Variants in KANK1 observed in about 807,000 individuals in gnomAD.
KANK1 encodes KN motif and ankyrin repeat domains 1, also known as KN motif and ankyrin repeat domain-containing protein 1.
A neutral mutation model predicts 106.2 loss-of-function variants in KANK1; 109 were observed. That is an observed-to-expected ratio of 1.03 (90% CI 0.88 to 1.20). The LOEUF (loss-of-function observed/expected upper bound fraction) is 1.20. KANK1 is among the 50% of genes most tolerant of loss of function. The probability of loss-of-function intolerance (pLI) is 0.00; values close to 1 mark genes in which losing one functional copy is unlikely to be tolerated. For missense variants in KANK1, 2,399 were observed against 1,710.7 expected, an observed-to-expected ratio of 1.40 and a Z score of -7.10; for synonymous variants, 873 against 652.2, an observed-to-expected ratio of 1.34 and a Z score of -5.16.
intron 1 of KANK1, among the ~76,000 whole-genome samples, chr9:604,553 C>G (rs961615650): frequency 4.0e-5 from 6 of 151,758 alleles, no homozygotes; most frequent in African/African-American, 1.5e-4. Flanking sequence ...GTTTCCTGGC[C>G]GGGTGCAGTG....
At chr9:706,876 G>C (rs1436184971) in intron 2 of KANK1, 1 of 985,356 alleles carries the variant, frequency 1.0e-6, no homozygotes, top group Non-Finnish European at 1.2e-6. Flanking sequence ...TCATGAAGCA[G>C]TGACTAGTAT....
chr9:568,173 A>T (rs2134688447), intron 1 of KANK1, among the ~76,000 whole-genome samples: 1 of 152,328 alleles, frequency 6.6e-6, no homozygotes, highest in South Asian at 2.1e-4. Flanking sequence ...CCACTACCTT[A>T]TCTATAATGC....
chr9:710,340 G>T (rs986212572), intron 2 of KANK1, among the ~76,000 whole-genome samples: 15 of 152,034 alleles, frequency 9.9e-5, no homozygotes, highest in African/African-American at 3.6e-4. Flanking sequence ...TACCCAAGCC[G>T]GGCGCAGTGG....
At chr9:640,699 A>AT (rs770881603) in intron 1 of KANK1, among the ~76,000 whole-genome samples, 12,535 of 129,710 alleles carry the variant, frequency 0.097, 806 homozygotes, top group African/African-American at 0.19. Context: ...GCCCGGCCTA[A>AT]TTTTTTTTTT....
chr9:580,759 G>A lies in KANK1; in HGVS notation c.-84+76005G>A, dbSNP rs553047461. 2.0e-4 allele frequency among the ~76,000 whole-genome samples: 30 copies of A among 152,376 alleles called. No homozygotes were observed. The South Asian group carries it at 2.7e-3, about 14-fold the overall frequency. ...AGGCGGAGCTGCCTGCCAGTCCCGC[G>A]CTGTGCGCCCGCACTCCTGAGCCCT... On this transcript the variant is annotated intron_variant, in intron 1 of 11. Coordinates refer to ENST00000382297, the MANE Select transcript of KANK1 (RefSeq NM_015158.5).
chr9:710,536 T>A (rs1022668307), intron 2 of KANK1, among the ~76,000 whole-genome samples: 2 of 149,078 alleles, frequency 1.3e-5, no homozygotes, highest in African/African-American at 5.0e-5. Context: ...GAGAATTGCT[T>A]GATCCCAGGA....
chr9:624,798 C>CA (rs1439725233), intron 1 of KANK1, among the ~76,000 whole-genome samples: 1 of 151,680 alleles, frequency 6.6e-6, no homozygotes, highest in African/African-American at 2.4e-5. Flanking sequence ...GACTCTGTCT[C>CA]AAAAAACAAA....
In KANK1 at chr9:624,867, C is replaced by G. The variant is rs375944664; in HGVS notation, c.-83-52023C>G. Among the ~76,000 whole-genome samples, 131 of 152,260 alleles carry G rather than the reference C, an allele frequency of 8.6e-4. 1 individual carries two copies. The highest frequency in any genetic ancestry group is 3.1e-3 in the African/African-American group (127 of 41,532). ...AAAAATAGCTGCCTTACCAAGCCAC[C>G]AGTGAGAGCCCATCTCTGAGGAAAA... On this transcript the variant is annotated intron_variant, in intron 1 of 11. Coordinates refer to ENST00000382297, the MANE Select transcript of KANK1 (RefSeq NM_015158.5).
intron 1 of KANK1, among the ~76,000 whole-genome samples, chr9:509,498 TC>T (rs1191308917): frequency 6.6e-6 from 1 of 152,236 alleles, no homozygotes; most frequent in East Asian, 1.9e-4. Flanking sequence ...ATTCTAATAT[TC>T]AATTTTGTAT....
At chr9:682,448 T>C in intron 2 of KANK1, among the ~76,000 whole-genome samples, 1 of 152,210 alleles carries the variant, frequency 6.6e-6, no homozygotes, top group East Asian at 1.9e-4. Flanking sequence ...CTTTTATAAT[T>C]TGGATATCAG....
intron 1 of KANK1, among the ~76,000 whole-genome samples, chr9:621,276 A>G (rs1833084351): frequency 6.6e-6 from 1 of 152,206 alleles, no homozygotes; most frequent in South Asian, 2.1e-4. Flanking sequence ...AGCTATTTAT[A>G]TTAGCTCTGC....
chr9:744,640 G>C (rs376671924), intron 11 of KANK1, 51 bp downstream of exon 11: 29 of 1,613,742 alleles, frequency 1.8e-5, no homozygotes, highest in Non-Finnish European at 2.3e-5. Context: ...CCACCAGACT[G>C]GTGGACCCCC....
chr9:594,710 A>G (rs1825800455), intron 1 of KANK1, among the ~76,000 whole-genome samples: 1 of 151,872 alleles, frequency 6.6e-6, no homozygotes, highest in African/African-American at 2.4e-5. Context: ...TGAAGGTTCA[A>G]AAATATTGAA....
intron 1 of KANK1, among the ~76,000 whole-genome samples, chr9:643,524 T>G (rs1838946989): frequency 1.3e-5 from 2 of 148,802 alleles, no homozygotes; most frequent in Admixed American, 6.6e-5. Flanking sequence ...TAAACCAGAA[T>G]TTGCTTTTTT....
chr9:735,668 G>T, intron 7 of KANK1: 1 of 350,584 alleles, frequency 2.9e-6, no homozygotes. Flanking sequence ...TTTAAATTCT[G>T]CCATATATTT....
At chr9:535,247 T>C (rs1368229986) in intron 1 of KANK1, among the ~76,000 whole-genome samples, 5 of 152,172 alleles carry the variant, frequency 3.3e-5, no homozygotes, top group African/African-American at 9.7e-5. Context: ...CCCCATTAGG[T>C]CCCCAAACCT....
intron 2 of KANK1, among the ~76,000 whole-genome samples, chr9:688,643 T>C (rs1167754189): frequency 6.6e-6 from 1 of 151,846 alleles, no homozygotes; most frequent in Non-Finnish European, 1.5e-5. Flanking sequence ...TATTGTCTGT[T>C]AAGTGCCTTG....
At chr9:480,400 T>C (rs1164193002) in intron 3 of KANK1, among the ~76,000 whole-genome samples, 1 of 152,198 alleles carries the variant, frequency 6.6e-6, no homozygotes, top group Non-Finnish European at 1.5e-5. Flanking sequence ...GGGGAATGTT[T>C]ACCAAGAAGG....
chr9:679,799 C>G (rs1588857867), intron 2 of KANK1, among the ~76,000 whole-genome samples: 1 of 152,096 alleles, frequency 6.6e-6, no homozygotes. Context: ...AAATAAATGT[C>G]TTCCTATTTT....
Sources: gnomAD v4.1 joint callset for allele counts (sites outside exome capture counted in the v4.1 genomes callset) on GRCh38, gnomAD v4.1.1 for gene constraint, MANE v1.5 for transcripts, NCBI Gene and HGNC (gene_info 2026-07-23, HGNC 2026-07-21) for gene names.